The following DPYSL3 variants were observed in gnomAD, a reference collection of about 807,000 sequenced individuals.
DPYSL3 encodes dihydropyrimidinase-related protein 3.
In DPYSL3, 16 loss-of-function variants were observed where a neutral mutation model predicts 66.1. The ratio of observed to expected loss-of-function variants is 0.24; its 90% CI spans 0.16 to 0.37. The LOEUF (loss-of-function observed/expected upper bound fraction) is 0.37, where lower values mean the gene tolerates loss of function less well. Ranked by LOEUF, DPYSL3 falls within the 10% of genes least tolerant of loss-of-function variation. The pLI, the probability that DPYSL3 is intolerant of heterozygous loss-of-function variation, is 1.00. For synonymous variants in DPYSL3, 338 were observed against 345.1 expected, an observed-to-expected ratio of 0.98 and a Z score of 0.23; for missense variants, 738 against 916.2, an observed-to-expected ratio of 0.81 and a Z score of 2.51.
intron 1 of DPYSL3, among the ~76,000 whole-genome samples, chr5:147,455,483 G>A (rs1454538629): frequency 6.6e-6 from 1 of 152,178 alleles, no homozygotes; most frequent in East Asian, 1.9e-4. Flanking sequence ...TGGGCCAAAG[G>A]CACGCCCTAA....
chr5:147,393,940 G>A lies in DPYSL3; in HGVS notation c.*95C>T. 2.0e-5 allele frequency: 25 copies of A among 1,269,182 alleles called. No individual in the cohort carries two copies. Among genetic ancestry groups the A allele is most frequent in the Non-Finnish European group, 2.7e-5 (24 of 879,602 alleles). The allele number at this position is 1,269,182 out of a possible 1,614,324, so 78.6% of individuals were successfully genotyped here. Reference sequence around the variant, plus strand: ...CTTATTGATTCTTTAGATCACAACCGTTTGGATTCGCTTTCCTTCTTAAAT... The same window carrying A: ...CTTATTGATTCTTTAGATCACAACCATTTGGATTCGCTTTCCTTCTTAAAT... On this transcript the variant is annotated 3_prime_UTR_variant, in exon 14 of 14. Transcript: ENST00000343218.
rs773349648 is a variant in DPYSL3, at chr5:147,408,811, G to T, written c.964-15C>A. Reference sequence around the variant, plus strand: ...CGGGTTTGCTCCTGAAATGAAAAAAGAAAATAGTTCTTCAATAAGCTCAAG... The same window carrying T: ...CGGGTTTGCTCCTGAAATGAAAAAATAAAATAGTTCTTCAATAAGCTCAAG... On this transcript the variant is annotated splice_polypyrimidine_tract_variant and intron_variant, in intron 6 of 13. Coordinates refer to ENST00000343218, the MANE Select transcript of DPYSL3 (RefSeq NM_001197294.2). 3.7e-6 allele frequency: 6 copies of T among 1,613,956 alleles called. No homozygotes were observed. In the Admixed American group the frequency reaches 6.7e-5, roughly 18 times the overall value.
intron 2 of DPYSL3, among the ~76,000 whole-genome samples, chr5:147,418,979 T>C (rs1490204562): frequency 6.6e-6 from 1 of 152,140 alleles, no homozygotes; most frequent in Non-Finnish European, 1.5e-5. Flanking sequence ...TAAGTTAAGG[T>C]GAGAAATAAC....
Position 147,490,572 on chromosome 5 carries a change from A to C in DPYSL3, c.381+18906T>G, listed in dbSNP as rs149424014. On this transcript the variant is annotated intron_variant, in intron 1 of 13. Transcript: ENST00000343218. ...TTAAGGTTTCTGGCTTAGCATGTTA[A>C]GAAGCTTAGAAGTCATCATTCCATC... 4.9e-3 allele frequency among the ~76,000 whole-genome samples: 747 copies of C among 152,336 alleles called. 2 individuals are homozygous for C. The highest frequency in any genetic ancestry group is 7.8e-3 in the Non-Finnish European group (531 of 68,024).
chr5:147,443,450 G>T lies in DPYSL3; in HGVS notation c.382-18487C>A, dbSNP rs111650084. On this transcript the variant is annotated intron_variant, in intron 1 of 13. Coordinates refer to ENST00000343218, the MANE Select transcript of DPYSL3 (RefSeq NM_001197294.2). ...AACATTGAGAACACATGGACACAGA[G>T]AGGAGAACAACACACACCAGGGCCT... Among the ~76,000 whole-genome samples, 747 of 152,210 alleles carry T rather than the reference G, an allele frequency of 4.9e-3. 6 individuals are homozygous for T. Among genetic ancestry groups the T allele is most frequent in the Non-Finnish European group, 6.1e-3 (412 of 68,032 alleles).
At chr5:147,499,001 C>A (rs2126456839) in intron 1 of DPYSL3, among the ~76,000 whole-genome samples, 1 of 152,224 alleles carries the variant, frequency 6.6e-6, no homozygotes. Context: ...TTGCCCGTGC[C>A]TATGACCTAA....
intron 1 of DPYSL3, among the ~76,000 whole-genome samples, chr5:147,500,311 C>T (rs1299010992): frequency 6.6e-6 from 1 of 152,076 alleles, no homozygotes; most frequent in Non-Finnish European, 1.5e-5. Flanking sequence ...ACACGCAGAA[C>T]TCTTAAAACT....
intron 1 of DPYSL3, among the ~76,000 whole-genome samples, chr5:147,440,130 G>A (rs948150735): frequency 6.6e-6 from 1 of 151,980 alleles, no homozygotes; most frequent in African/African-American, 2.4e-5. Context: ...GTGAAACCCC[G>A]TCTCTACTAA....
intron 7 of DPYSL3, among the ~76,000 whole-genome samples, chr5:147,406,811 A>C (rs1333851190): frequency 6.6e-6 from 1 of 152,160 alleles, no homozygotes. Context: ...CACTTAAAAA[A>C]AATACCAAAA....
intron 7 of DPYSL3, 90 bp downstream of exon 7, chr5:147,408,638 C>T (rs1751774545): frequency 7.1e-7 from 1 of 1,403,864 alleles, no homozygotes; most frequent in Non-Finnish European, 1.0e-6. Flanking sequence ...AGAAATGTTC[C>T]AATACTGCAA....
chr5:147,416,648 G>C (rs922264116), intron 3 of DPYSL3, among the ~76,000 whole-genome samples: 3 of 152,176 alleles, frequency 2.0e-5, no homozygotes, highest in African/African-American at 7.2e-5. Flanking sequence ...CCAGAGAGCA[G>C]CTCTGAAATA....
intron 1 of DPYSL3, 66 bp from the exon 2 acceptor site, chr5:147,425,029 G>A (rs2126330792): frequency 7.7e-7 from 1 of 1,304,888 alleles, no homozygotes; most frequent in East Asian, 2.3e-5. Flanking sequence ...GATCTGCCAA[G>A]GTTTTCCCAA....
chr5:147,479,430 G>A lies in DPYSL3; in HGVS notation c.381+30048C>T, dbSNP rs74631535. On this transcript the variant is annotated intron_variant, in intron 1 of 13. Transcript: ENST00000343218. Reference sequence around the variant, plus strand: ...GTGCACAGGACAACTGTTTAGGAGCGCAAGTCTTGTCAACTCAGTGAAGGA... The same window carrying A: ...GTGCACAGGACAACTGTTTAGGAGCACAAGTCTTGTCAACTCAGTGAAGGA... Among the ~76,000 whole-genome samples, 817 of 152,262 alleles carry A rather than the reference G, an allele frequency of 5.4e-3. 31 individuals carry two copies. In the East Asian group the frequency reaches 0.11, roughly 20 times the overall value.
intron 1 of DPYSL3, among the ~76,000 whole-genome samples, chr5:147,459,180 A>G (rs1261824742): frequency 6.6e-6 from 1 of 152,100 alleles, no homozygotes; most frequent in Non-Finnish European, 1.5e-5. Flanking sequence ...ATAAGGACCT[A>G]GCCATTTACC....
rs537519974 is a variant in DPYSL3 at position 147,404,891 on chromosome 5, C to T, written c.1153+719G>A. On this transcript the variant is annotated intron_variant, in intron 8 of 13. Transcript: ENST00000343218. ...TCAGGAGGTGTGACCTGCATCTGCA[C>T]TGTGGCCTCAATCCTGGCCAGATTA... Among the ~76,000 whole-genome samples the T allele has an allele frequency of 2.6e-5, 4 of 152,276 alleles. No homozygotes were observed. The South Asian group carries it at 8.3e-4, about 32-fold the overall frequency.
At chr5:147,415,511 G>A (rs1391481254) in intron 4 of DPYSL3, among the ~76,000 whole-genome samples, 198 bp downstream of exon 4, 1 of 152,154 alleles carries the variant, frequency 6.6e-6, no homozygotes, top group Non-Finnish European at 1.5e-5. Context: ...GCAAAGTGGG[G>A]AAAACAATCA....
At chr5:147,506,534 GTAATA>G (rs1024236862) in intron 1 of DPYSL3, among the ~76,000 whole-genome samples, 2 of 152,082 alleles carry the variant, frequency 1.3e-5, no homozygotes, top group African/African-American at 4.8e-5. Context: ...TACAAAATAT[GTAATA>G]TAATATAACC....
chr5:147,454,152 C>T (rs996078343), intron 1 of DPYSL3: 1 of 152,282 alleles, frequency 6.6e-6, no homozygotes, highest in African/African-American at 2.4e-5. Context: ...CCCCAGCCAG[C>T]TCCTCGTCGG....
chr5:147,443,715 G>C (rs890869492), intron 1 of DPYSL3, among the ~76,000 whole-genome samples: 14 of 151,984 alleles, frequency 9.2e-5, no homozygotes, highest in Non-Finnish European at 1.8e-4. Context: ...ATATATTTAA[G>C]AGAATGGGGC....
Sources: allele counts gnomAD v4.1 joint callset (sites outside exome capture counted in the v4.1 genomes callset), GRCh38; gene constraint gnomAD v4.1.1; transcripts MANE v1.5; gene names NCBI Gene and HGNC (gene_info 2026-07-23, HGNC 2026-07-21).